ADHFE1: variants seen among roughly 807,000 people sequenced by gnomAD.
ADHFE1 encodes alcohol dehydrogenase iron containing 1, also known as hydroxyacid-oxoacid transhydrogenase, mitochondrial.
A neutral mutation model predicts 54.8 loss-of-function variants in ADHFE1; 37 were observed. The ratio of observed to expected loss-of-function variants is 0.68; its 90% CI spans 0.52 to 0.89. The LOEUF (loss-of-function observed/expected upper bound fraction) is 0.89, where lower values mean the gene tolerates loss of function less well. ADHFE1 is among the 40% of genes least tolerant of loss of function. ADHFE1 has a pLI of 0.00. For missense variants in ADHFE1, 601 were observed against 591.2 expected, an observed-to-expected ratio of 1.02 and a Z score of -0.17; for synonymous variants, 203 against 229.3, an observed-to-expected ratio of 0.89 and a Z score of 1.04.
intron 1 of ADHFE1, chr8:66,432,902 G>A: frequency 8.7e-7 from 1 of 1,154,330 alleles, no homozygotes; most frequent in Non-Finnish European, 1.1e-6. Flanking sequence ...GTATGCAATT[G>A]ACACATATTT....
At chr8:66,460,159 G>A in intron 12 of ADHFE1, 149 bp from the exon 13 acceptor site, 4 of 978,856 alleles carry the variant, frequency 4.1e-6, no homozygotes, top group Non-Finnish European at 6.0e-6. Flanking sequence ...GCCAACTTGG[G>A]CCCTCCTGGG....
chr8:66,459,426 A>ATTT (rs1230135801), intron 12 of ADHFE1: 4 of 108,552 alleles, frequency 3.7e-5, no homozygotes, highest in East Asian at 2.3e-4. Flanking sequence ...ATATATATAT[A>ATTT]TATATTTTTT....
chr8:66,463,252 C>T (rs1204155928), intron 13 of ADHFE1, among the ~76,000 whole-genome samples: 1 of 152,216 alleles, frequency 6.6e-6, no homozygotes, highest in Non-Finnish European at 1.5e-5. Flanking sequence ...CCTCAGTGCA[C>T]ATGCAATACT....
At chr8:66,453,530 G>T (rs1421465317) in intron 9 of ADHFE1, among the ~76,000 whole-genome samples, 2 of 152,216 alleles carry the variant, frequency 1.3e-5, no homozygotes, top group African/African-American at 2.4e-5. Context: ...GACACCCAGA[G>T]CAAGCTAAGG....
intron 3 of ADHFE1, 136 bp downstream of exon 3, chr8:66,442,980 A>G (rs1805836395): frequency 5.1e-6 from 4 of 785,976 alleles, no homozygotes; most frequent in South Asian, 2.1e-5. Context: ...TGATCAGACC[A>G]TATTTAGCAA....
At chr8:66,449,601 G>T (rs544444796) in intron 8 of ADHFE1, among the ~76,000 whole-genome samples, 1 of 152,230 alleles carries the variant, frequency 6.6e-6, no homozygotes, top group South Asian at 2.1e-4. Context: ...CAGCTGCTTT[G>T]TGCCGATGGC....
intron 13 of ADHFE1, among the ~76,000 whole-genome samples, chr8:66,460,907 T>C (rs1371071779): frequency 6.6e-6 from 1 of 152,232 alleles, no homozygotes; most frequent in East Asian, 1.9e-4. Context: ...GGCATAGCCT[T>C]TCAATTAACA....
At chr8:66,446,321 C>A (rs1233405429) in intron 6 of ADHFE1, among the ~76,000 whole-genome samples, 1 of 152,182 alleles carries the variant, frequency 6.6e-6, no homozygotes, top group Non-Finnish European at 1.5e-5. Context: ...CGGAGCCCAG[C>A]AAAGGCAGAG....
Position 66,457,113 on chromosome 8 carries a change from C to T in ADHFE1, c.1109C>T (p.Thr370Ile). ...SVVLTSPAVF[T>I]FTAQMFPERH... ...GTGCTCACGTCCCCAGCGGTGTTCA[C>T]TTTCACGGCCCAGATGTTTCCAGAG... Residue 370 changes from threonine (T) to isoleucine (I), a missense_variant, in exon 12 of 14, where the codon ACT becomes ATT. By Grantham distance (89) the Thr-to-Ile change is moderately conservative (BLOSUM62 -1). Transcript: ENST00000396623. 6.2e-7 allele frequency: 1 copy of T among 1,613,956 alleles called. No individual in the cohort carries two copies. Among genetic ancestry groups the T allele is most frequent in the Non-Finnish European group, 8.5e-7 (1 of 1,179,894 alleles).
At chr8:66,446,605 A>G (rs1042650237) in intron 6 of ADHFE1, among the ~76,000 whole-genome samples, 21 of 152,332 alleles carry the variant, frequency 1.4e-4, no homozygotes, top group Admixed American at 1.1e-3. Flanking sequence ...CACATTAAAC[A>G]CACATGTATG....
Position 66,442,769 on chromosome 8 carries a change from C to T in ADHFE1, c.98-29C>T, listed in dbSNP as rs186562860. 10 of 1,584,664 alleles carry T rather than the reference C, an allele frequency of 6.3e-6. No individual in the cohort carries two copies. In the Admixed American group the frequency reaches 1.7e-4, roughly 27 times the overall value. ...ACATTTATGCTTTTTTTTAAAGACC[C>T]ACTTTGATGCTAACTTTTACATTTC... On this transcript the variant is annotated intron_variant, in intron 2 of 13. Coordinates refer to ENST00000396623, the MANE Select transcript of ADHFE1 (RefSeq NM_144650.3).
At position 66,440,143 on chromosome 8, in the gene ADHFE1, T is replaced by C; in HGVS notation, c.60-19T>C. The stretch of plus-strand genomic sequence containing the variant: ...TTTTCACCTTAGGTTTTTTTTGCTG[T>C]CGTTTTTATTTTCCCTAGGTGCCAG... On this transcript the variant is annotated intron_variant, in intron 1 of 13. Transcript: ENST00000396623. 1 of 1,609,970 alleles carries C rather than the reference T, an allele frequency of 6.2e-7. No individual in the cohort carries two copies. The highest frequency in any genetic ancestry group is 1.7e-4 in the Middle Eastern group (1 of 6,032).
chr8:66,463,063 C>G (rs922769317), intron 13 of ADHFE1, among the ~76,000 whole-genome samples: 3 of 151,990 alleles, frequency 2.0e-5, no homozygotes, highest in Non-Finnish European at 4.4e-5. Context: ...CTCAGGTGAT[C>G]CGCCCACCTC....
Position 66,460,345 on chromosome 8 carries a change from G to C in ADHFE1, c.1200G>C (p.Gly400=). 1 of 1,614,212 alleles carries C rather than the reference G, an allele frequency of 6.2e-7. No individual in the cohort carries two copies. Among genetic ancestry groups the C allele is most frequent in the Non-Finnish European group, 8.5e-7 (1 of 1,180,028 alleles). ...GCACTGCCAGGATCCAAGATGCAGG[G>C]CTGGTGTTGGCAGACACGCTCCGGA... ...DTRTARIQDA[G]LVLADTLRKF... Residue 400 remains glycine (G), a synonymous_variant, in exon 13 of 14, where the codon GGG becomes GGC. Transcript: ENST00000396623.
chr8:66,453,950 C>A (rs1806442083), intron 9 of ADHFE1, 109 bp from the exon 10 acceptor site: 9 of 1,536,086 alleles, frequency 5.9e-6, no homozygotes, highest in African/African-American at 4.2e-5. Flanking sequence ...TTCTTCCTAC[C>A]GAGTAGCATT....
intron 12 of ADHFE1, among the ~76,000 whole-genome samples, chr8:66,457,634 G>A (rs936624589): frequency 1.3e-5 from 2 of 152,122 alleles, no homozygotes; most frequent in Non-Finnish European, 1.5e-5. Flanking sequence ...AGACCAGCCT[G>A]GGCAACATAG....
At position 66,439,825 on chromosome 8, in the gene ADHFE1, C is replaced by T. The variant is rs1805654550; in HGVS notation, c.60-337C>T. Reference sequence around the variant, plus strand: ...GTCAACGCTCCTAACCCAGTAAGAGCTGGGGCTTCATGGAGACCAGAGACC... The same window carrying T: ...GTCAACGCTCCTAACCCAGTAAGAGTTGGGGCTTCATGGAGACCAGAGACC... On this transcript the variant is annotated intron_variant, in intron 1 of 13. Transcript: ENST00000396623. This position sits in a 1 kb window ranked among gnomAD's most constrained non-coding sequence, Gnocchi z 4.4. 3 of 1,093,630 alleles carry T rather than the reference C, an allele frequency of 2.7e-6. No individual in the cohort carries two copies. Among genetic ancestry groups the T allele is most frequent in the South Asian group, 6.3e-5 (2 of 31,708 alleles). 67.7% of individuals were successfully genotyped at this position (1,093,630 alleles called of 1,614,324 possible). A position where few individuals can be genotyped will look rare whatever the true frequency, so the allele number is the denominator to read the frequency against.
Position 66,437,276 on chromosome 8 carries a change from C to T in ADHFE1, c.60-2886C>T, listed in dbSNP as rs2130342306. ...AGGGGGATTTTGATGATTTAGGGGA[C>T]AGAAGGGAGAGCTGCTGGCAGTCCT... On this transcript the variant is annotated intron_variant, in intron 1 of 13. Coordinates refer to ENST00000396623, the MANE Select transcript of ADHFE1 (RefSeq NM_144650.3). 1.3e-5 allele frequency among the ~76,000 whole-genome samples: 2 copies of T among 152,094 alleles called. 1 individual carries two copies. The highest frequency in any genetic ancestry group is 4.1e-4 in the South Asian group (2 of 4,822).
intron 3 of ADHFE1, 112 bp downstream of exon 3, chr8:66,442,956 C>A: frequency 2.2e-6 from 2 of 923,180 alleles, no homozygotes; most frequent in Non-Finnish European, 3.2e-6. Flanking sequence ...AATTCACATT[C>A]CATAATCTCT....
Sources: gnomAD v4.1 joint callset for allele counts (sites outside exome capture counted in the v4.1 genomes callset) on GRCh38, gnomAD v4.1.1 for gene constraint, Gnocchi (gnomAD v3.1) non-coding constraint, MANE v1.5 for transcripts, NCBI Gene and HGNC (gene_info 2026-07-23, HGNC 2026-07-21) for gene names.